RHBDL2: variants seen among roughly 807,000 people sequenced by gnomAD.
RHBDL2 encodes rhomboid like 2, also known as rhomboid-related protein 2.
Under a neutral mutation model 31.7 loss-of-function variants are expected in RHBDL2, and 26 were observed. The observed-to-expected ratio is 0.82, with a 90% CI of 0.60 to 1.14. The LOEUF (loss-of-function observed/expected upper bound fraction) is 1.14. Among genes scored for constraint, RHBDL2 ranks in the 50% most tolerant of loss-of-function variants. RHBDL2 has a pLI of 0.00. For missense variants in RHBDL2, 336 were observed against 364.4 expected (o/e 0.92, Z 0.63); for synonymous variants, 123 against 127.2 (o/e 0.97, Z 0.22).
rs148314767 is a variant in RHBDL2 at position 38,935,748 on chromosome 1, G to A, written c.-126+5934C>T. Among the ~76,000 whole-genome samples the A allele has an allele frequency of 7.6e-4, 116 of 152,146 alleles. 1 individual carries two copies. The East Asian group carries it at 0.02, about 26-fold the overall frequency. On this transcript the variant is annotated intron_variant, in intron 1 of 7. Coordinates refer to ENST00000372990, the MANE Select transcript of RHBDL2 (RefSeq NM_017821.5). The stretch of plus-strand genomic sequence containing the variant: ...CCACCTTAGCCTCCCAAGTAGCTGG[G>A]ACTACAGGTGTGTACCACCACACCT...
intron 1 of RHBDL2, among the ~76,000 whole-genome samples, chr1:38,936,522 TG>T (rs143507002): frequency 0.028 from 4,075 of 144,682 alleles, 201 homozygotes; most frequent in East Asian, 0.19. Context: ...TTTTTCAAGA[TG>T]GAGTTTTGCT....
chr1:38,905,832 C>G (rs1643058147), intron 4 of RHBDL2, among the ~76,000 whole-genome samples: 1 of 151,480 alleles, frequency 6.6e-6, no homozygotes, highest in African/African-American at 2.4e-5. Flanking sequence ...CTTTGGGAGG[C>G]CAAGGCAGGC....
chr1:38,933,554 A>G (rs1230727701), intron 1 of RHBDL2, among the ~76,000 whole-genome samples: 1 of 152,196 alleles, frequency 6.6e-6, no homozygotes, highest in Admixed American at 6.5e-5. Flanking sequence ...GGGAAGTATC[A>G]TGGAAAGAGC....
At chr1:38,928,938 G>A (rs1643409961) in intron 1 of RHBDL2, among the ~76,000 whole-genome samples, 1 of 152,060 alleles carries the variant, frequency 6.6e-6, no homozygotes, top group African/African-American at 2.4e-5. Flanking sequence ...GTGCAGTGGT[G>A]TGCACACCTG....
intron 3 of RHBDL2, among the ~76,000 whole-genome samples, chr1:38,913,901 A>G (rs1471777127): frequency 3.3e-5 from 5 of 152,022 alleles, no homozygotes; most frequent in African/African-American, 7.2e-5. Context: ...GGCGGATCAC[A>G]AGGTCAGGAG....
chr1:38,937,372 T>A (rs1303346897), intron 1 of RHBDL2, among the ~76,000 whole-genome samples: 3 of 152,168 alleles, frequency 2.0e-5, no homozygotes, highest in African/African-American at 7.2e-5. Context: ...TCTCTAACTG[T>A]CCTTTTGAAC....
At chr1:38,889,254 C>A (rs991494473) in intron 6 of RHBDL2, among the ~76,000 whole-genome samples, 1 of 151,988 alleles carries the variant, frequency 6.6e-6, no homozygotes, top group Non-Finnish European at 1.5e-5. Context: ...CCACTATGCC[C>A]GGTTAATTTT....
At chr1:38,922,926 G>A (rs1452085136) in intron 1 of RHBDL2, among the ~76,000 whole-genome samples, 7 of 151,932 alleles carry the variant, frequency 4.6e-5, no homozygotes, top group South Asian at 2.1e-4. Flanking sequence ...ACCCATCTCC[G>A]TTAAAAATAC....
chr1:38,911,589 C>A (rs1370289954), intron 3 of RHBDL2, among the ~76,000 whole-genome samples, 155 bp from the exon 4 acceptor site: 1 of 149,470 alleles, frequency 6.7e-6, no homozygotes, highest in Admixed American at 6.7e-5. Context: ...CTCTTTTTTT[C>A]TTTTTCTTTT....
chr1:38,891,067 G>A (rs754342065), intron 6 of RHBDL2, among the ~76,000 whole-genome samples: 6 of 151,672 alleles, frequency 4.0e-5, no homozygotes, highest in Non-Finnish European at 5.9e-5. Flanking sequence ...TCAGGAGTTC[G>A]AGACCAGCCT....
chr1:38,928,145 T>C (rs1323371275), intron 1 of RHBDL2, among the ~76,000 whole-genome samples: 12 of 149,184 alleles, frequency 8.0e-5, no homozygotes, highest in Non-Finnish European at 4.5e-5. Context: ...TTCTTTCTTT[T>C]TTTTTTTTTT....
chr1:38,912,883 CATAT>C (rs141150431), intron 3 of RHBDL2, among the ~76,000 whole-genome samples: 3,340 of 106,324 alleles, frequency 0.031, 218 homozygotes, highest in African/African-American at 0.12. Flanking sequence ...TACCATATAC[CATAT>C]ATATATATAT....
intron 4 of RHBDL2, among the ~76,000 whole-genome samples, chr1:38,897,101 A>G (rs1252368151): frequency 6.6e-6 from 1 of 150,948 alleles, no homozygotes; most frequent in Non-Finnish European, 1.5e-5. Context: ...ACTTTGAAGA[A>G]TCTTTTTTTT....
chr1:38,934,550 G>A (rs535006814), intron 1 of RHBDL2, among the ~76,000 whole-genome samples: 64 of 150,398 alleles, frequency 4.3e-4, no homozygotes, highest in African/African-American at 1.3e-3. Flanking sequence ...CCAGCTACTC[G>A]GAGGTGGAGG....
intron 1 of RHBDL2, chr1:38,926,046 G>A (rs1418833140): frequency 1.8e-5 from 23 of 1,252,702 alleles, no homozygotes; most frequent in Non-Finnish European, 2.3e-5. Flanking sequence ...GTTTTCTTGG[G>A]GAATTTATCT....
intron 1 of RHBDL2, among the ~76,000 whole-genome samples, chr1:38,931,382 G>T (rs571724416): frequency 6.6e-6 from 1 of 152,082 alleles, no homozygotes. Context: ...TTAGCTGGGC[G>T]TGTTGGCGGG....
chr1:38,908,803 A>G (rs568705770), intron 4 of RHBDL2, among the ~76,000 whole-genome samples: 11 of 152,294 alleles, frequency 7.2e-5, no homozygotes, highest in African/African-American at 2.6e-4. Context: ...AGTCAGCTCA[A>G]TTATACTTGT....
intron 4 of RHBDL2, among the ~76,000 whole-genome samples, chr1:38,901,761 G>A (rs999554979): frequency 6.6e-5 from 10 of 151,196 alleles, no homozygotes; most frequent in South Asian, 4.1e-4. Flanking sequence ...GCTTGAACCC[G>A]GTGCAGGTTG....
At chr1:38,920,166 C>CTTTTTTTTTTTTT (rs71057165) in intron 1 of RHBDL2, among the ~76,000 whole-genome samples, 1 of 111,402 alleles carries the variant, frequency 9.0e-6, no homozygotes, top group Admixed American at 1.2e-4. Context: ...CACATGTTTT[C>CTTTTTTTTTTTTT]TTTTTTTTTT....
Sources: gnomAD v4.1 joint callset for allele counts (sites outside exome capture counted in the v4.1 genomes callset) on GRCh38, gnomAD v4.1.1 for gene constraint, MANE v1.5 for transcripts, NCBI Gene and HGNC (gene_info 2026-07-23, HGNC 2026-07-21) for gene names.